The following NT5DC1 variants were observed in gnomAD, a reference collection of about 807,000 sequenced individuals.
NT5DC1 encodes 5'-nucleotidase domain containing 1.
NT5DC1 carries 42 observed loss-of-function variants against 59.4 expected under a neutral mutation model. The observed-to-expected ratio is 0.71, with a 90% confidence interval of 0.55 to 0.92. The LOEUF (loss-of-function observed/expected upper bound fraction) is 0.92, where lower values mean the gene tolerates loss of function less well. Ranked by LOEUF, NT5DC1 falls within the 40% of genes least tolerant of loss-of-function variation. The pLI is 0.00. For missense variants in NT5DC1, 501 were observed against 537.1 expected (o/e 0.93, Z 0.66); for synonymous variants, 172 against 188.1 (o/e 0.91, Z 0.70).
chr6:116,106,933 G>A (rs1778778627), intron 2 of NT5DC1, among the ~76,000 whole-genome samples: 1 of 152,110 alleles, frequency 6.6e-6, no homozygotes, highest in Non-Finnish European at 1.5e-5. Flanking sequence ...TGGCAATTCT[G>A]TAATCCCAGC....
intron 11 of NT5DC1, among the ~76,000 whole-genome samples, chr6:116,242,312 G>A (rs1172995926): frequency 3.9e-5 from 6 of 152,086 alleles, no homozygotes; most frequent in Non-Finnish European, 7.4e-5. Flanking sequence ...CTGCACTCCA[G>A]CCTGGGCAAC....
At chr6:116,187,537 G>A (rs1308864636) in intron 6 of NT5DC1, among the ~76,000 whole-genome samples, 2 of 152,070 alleles carry the variant, frequency 1.3e-5, no homozygotes, top group African/African-American at 4.8e-5. Flanking sequence ...GAAGATCACT[G>A]AACCGGAGAT....
At chr6:116,103,470 C>G (rs754173830) in intron 1 of NT5DC1, among the ~76,000 whole-genome samples, 4 of 151,866 alleles carry the variant, frequency 2.6e-5, no homozygotes, top group Admixed American at 6.6e-5. Flanking sequence ...GTATGGTGCC[C>G]GAAAACACAG....
At chr6:116,181,898 T>G (rs1194871527) in intron 6 of NT5DC1, among the ~76,000 whole-genome samples, 1 of 152,146 alleles carries the variant, frequency 6.6e-6, no homozygotes, top group Non-Finnish European at 1.5e-5. Flanking sequence ...AATAGGTTTT[T>G]GGGAAACAGT....
At position 116,247,882 on chromosome 6, in the gene NT5DC1, T is replaced by TTA; in HGVS notation, c.*3859_*3860insAT. The TTA allele has an allele frequency of 6.6e-6, 1 of 152,320 alleles. No individual in the cohort carries two copies. Among genetic ancestry groups the TTA allele is most frequent in the Middle Eastern group, 3.4e-3 (1 of 294 alleles). The allele number at this position is 152,320 out of a possible 1,614,324, so 9.4% of individuals were successfully genotyped here. Reference sequence around the variant, plus strand: ...GCAGCTAAATTCCATGAGTATAACGTTTAATGTCTTTTTGGTACATTAAAT... The same window carrying TTA: ...GCAGCTAAATTCCATGAGTATAACGTTATTAATGTCTTTTTGGTACATTAAAT... On this transcript the variant is annotated 3_prime_UTR_variant, in exon 12 of 12. Coordinates refer to ENST00000319550, the MANE Select transcript of NT5DC1 (RefSeq NM_152729.3).
chr6:116,203,439 A>G (rs914739502), intron 6 of NT5DC1, among the ~76,000 whole-genome samples: 3 of 151,780 alleles, frequency 2.0e-5, no homozygotes, highest in African/African-American at 7.3e-5. Context: ...ATTTTGTCTC[A>G]TTTTTTATTT....
chr6:116,107,589 T>TA (rs1401753670), intron 2 of NT5DC1, among the ~76,000 whole-genome samples: 2 of 149,062 alleles, frequency 1.3e-5, no homozygotes, highest in Non-Finnish European at 3.0e-5. Context: ...TATTTTATTT[T>TA]TGAGACAGAG....
chr6:116,229,545 G>A (rs915297379), intron 8 of NT5DC1, among the ~76,000 whole-genome samples: 1 of 152,208 alleles, frequency 6.6e-6, no homozygotes, highest in Non-Finnish European at 1.5e-5. Flanking sequence ...GCTTAAGGAT[G>A]TATGGAGGGG....
chr6:116,161,710 G>T (rs912713507), intron 6 of NT5DC1, among the ~76,000 whole-genome samples: 3 of 152,122 alleles, frequency 2.0e-5, no homozygotes. Flanking sequence ...TGGCTATTTA[G>T]GCTCTTATGG....
At chr6:116,240,300 A>G (rs1260724474) in intron 11 of NT5DC1, among the ~76,000 whole-genome samples, 1 of 152,252 alleles carries the variant, frequency 6.6e-6, no homozygotes, top group Non-Finnish European at 1.5e-5. Flanking sequence ...GAGGAAAAAA[A>G]TAATAAAACA....
rs1779009431 is a variant in NT5DC1, at chr6:116,118,389, GA to G, written c.529+445del. ...TGAGGGCAGAGATATCACCAATCTT[GA>G]GCCCAGAGTTTTACCTTTCCAATCA... On this transcript the variant is annotated intron_variant, in intron 6 of 11. Transcript: ENST00000319550. Among the ~76,000 whole-genome samples the G allele has an allele frequency of 2.0e-5, 3 of 152,282 alleles. No individual in the cohort carries two copies. In the South Asian group the frequency reaches 6.2e-4, roughly 32 times the overall value.
In NT5DC1 at chr6:116,106,254, A is replaced by G. The variant is rs185031180; in HGVS notation, c.104A>G (p.Asn35Ser). Residue 35 changes from asparagine (N) to serine (S), a missense_variant, in exon 2 of 12, where the codon AAT (asparagine) becomes AGT (serine). Asn to Ser is a conservative substitution (Grantham distance 46). Coordinates refer to ENST00000319550, the MANE Select transcript of NT5DC1 (RefSeq NM_152729.3). ...NLPESAPLIY[N>S]SFAQFLVKEK... ...TCCCCTTATTTGCAGCTCATTTATAATAGCTTTGCCCAGTTCCTAGTTAAG... is the reference window on the plus strand; with the variant it reads ...TCCCCTTATTTGCAGCTCATTTATAGTAGCTTTGCCCAGTTCCTAGTTAAG... The G allele has an allele frequency of 6.5e-6, 10 of 1,538,110 alleles. No individual in the cohort carries two copies. The Admixed American group carries it at 1.2e-4, about 18-fold the overall frequency.
At chr6:116,223,659 T>TGAATAAATG (rs1233721576) in intron 8 of NT5DC1, among the ~76,000 whole-genome samples, 2 of 152,178 alleles carry the variant, frequency 1.3e-5, no homozygotes, top group African/African-American at 4.8e-5. Flanking sequence ...CTTGAATAAA[T>TGAATAAATG]ACATAAATGA....
intron 6 of NT5DC1, chr6:116,125,501 A>G (rs769964985): frequency 6.2e-7 from 1 of 1,613,414 alleles, no homozygotes; most frequent in Non-Finnish European, 8.5e-7. Flanking sequence ...ATATTCTCAG[A>G]TGGATTCTGA....
chr6:116,185,585 T>C (rs890399309), intron 6 of NT5DC1, among the ~76,000 whole-genome samples: 2 of 152,096 alleles, frequency 1.3e-5, no homozygotes, highest in African/African-American at 4.8e-5. Context: ...GTGATGTTTT[T>C]CTGTTGGACT....
At chr6:116,178,411 T>C (rs1325238171) in intron 6 of NT5DC1, among the ~76,000 whole-genome samples, 1 of 152,232 alleles carries the variant, frequency 6.6e-6, no homozygotes, top group Non-Finnish European at 1.5e-5. Context: ...AAAGAATCTG[T>C]AAACATCTCT....
intron 6 of NT5DC1, among the ~76,000 whole-genome samples, chr6:116,180,084 T>A (rs1384671228): frequency 6.6e-6 from 1 of 152,090 alleles, no homozygotes; most frequent in Non-Finnish European, 1.5e-5. Context: ...ATGATCTAAT[T>A]GAGAGGAATT....
At chr6:116,176,903 T>TA (rs1780746580) in intron 6 of NT5DC1, among the ~76,000 whole-genome samples, 1 of 152,172 alleles carries the variant, frequency 6.6e-6, no homozygotes, top group African/African-American at 2.4e-5. Flanking sequence ...TGGACCAAGA[T>TA]ATGAAAGGGG....
At chr6:116,123,479 G>A (rs1469078985) in intron 6 of NT5DC1, among the ~76,000 whole-genome samples, 3 of 152,240 alleles carry the variant, frequency 2.0e-5, no homozygotes, top group Non-Finnish European at 2.9e-5. Context: ...AACTGAAATC[G>A]TGATTGGTTG....
Sources: gnomAD v4.1 joint callset for allele counts (sites outside exome capture counted in the v4.1 genomes callset) on GRCh38, gnomAD v4.1.1 for gene constraint, MANE v1.5 for transcripts, NCBI Gene and HGNC (gene_info 2026-07-23, HGNC 2026-07-21) for gene names.